The following WDR27 variants were observed in gnomAD, a reference collection of about 807,000 sequenced individuals.
WDR27 encodes the protein WD repeat-containing protein 27.
Under a neutral mutation model 114.4 loss-of-function variants are expected in WDR27, and 100 were observed. That is an observed-to-expected ratio of 0.87 (90% CI 0.74 to 1.03). The LOEUF (loss-of-function observed/expected upper bound fraction) is 1.03. Ranked by LOEUF, WDR27 falls within the 50% of genes least tolerant of loss-of-function variation. The pLI, the probability that WDR27 is intolerant of heterozygous loss-of-function variation, is 0.00. For synonymous variants in WDR27, 449 were observed against 423.1 expected, an observed-to-expected ratio of 1.06 and a Z score of -0.75; for missense variants, 1,129 against 1,092.9, an observed-to-expected ratio of 1.03 and a Z score of -0.47.
At chr6:169,438,841 T>C in the WDR27 span, among the ~76,000 whole-genome samples, 13 of 152,206 alleles carry the variant, frequency 8.5e-5, no homozygotes, top group Non-Finnish European at 1.6e-4. Context: ...TATTAGTTTT[T>C]TACTACTTAG....
At chr6:169,690,625 T>C (rs1037970409) in intron 1 of WDR27, among the ~76,000 whole-genome samples, 1 of 152,064 alleles carries the variant, frequency 6.6e-6, no homozygotes, top group African/African-American at 2.4e-5. Context: ...AGGACATGGA[T>C]CCATGGCCAG....
chr6:169,664,155 G>A lies in WDR27; in HGVS notation c.904+11C>T. 1 of 1,576,158 alleles carries A rather than the reference G, an allele frequency of 6.3e-7. No individual in the cohort carries two copies. Among genetic ancestry groups the A allele is most frequent in the Non-Finnish European group, 8.6e-7 (1 of 1,161,346 alleles). On this transcript the variant is annotated intron_variant, in intron 8 of 25. Transcript: ENST00000448612. ...AAGTGGGAGGCCTGAGGGAGGGTCT[G>A]AGCAACCCACCTGGCTGGCTGCACA... is the stretch of plus-strand genomic sequence containing the variant.
chr6:169,651,850 T>C, intron 14 of WDR27, 80 bp downstream of exon 14: 2 of 1,264,924 alleles, frequency 1.6e-6, no homozygotes, highest in South Asian at 2.6e-5. Context: ...CGGGGATGTA[T>C]GTGTGTCCCT....
At chr6:169,696,136 T>C (rs1173893440) in intron 1 of WDR27, among the ~76,000 whole-genome samples, 2 of 152,218 alleles carry the variant, frequency 1.3e-5, no homozygotes, top group Non-Finnish European at 2.9e-5. Context: ...AACAAACGAA[T>C]ACAAGTGCCT....
chr6:169,480,874 A>C (rs1041814607), intron 25 of WDR27, among the ~76,000 whole-genome samples: 6 of 146,464 alleles, frequency 4.1e-5, no homozygotes, highest in Admixed American at 6.7e-5. Context: ...AAAGTTTGTA[A>C]ACGCACCAAT....
At chr6:169,461,251 T>C (rs1213074954) in intron 25 of WDR27, among the ~76,000 whole-genome samples, 1 of 152,130 alleles carries the variant, frequency 6.6e-6, no homozygotes, top group African/African-American at 2.4e-5. Flanking sequence ...ATAGAGAATT[T>C]ACACAACATG....
the WDR27 span, among the ~76,000 whole-genome samples, chr6:169,439,952 T>G: frequency 6.7e-6 from 1 of 150,270 alleles, no homozygotes; most frequent in African/African-American, 2.5e-5. Context: ...TTATTTAATA[T>G]ATCACATTTA....
rs372457871 is a variant in WDR27, at chr6:169,659,400, G to A, written c.1197+51C>T. On this transcript the variant is annotated intron_variant, in intron 11 of 25. Transcript: ENST00000448612. The surrounding 1 kb of genome is among the most constrained non-coding windows in gnomAD (Gnocchi z 4.3). The stretch of plus-strand genomic sequence containing the variant: ...TTACAGGATCACTCTGAAGAAAGAA[G>A]AAATCAGAGGCACGTCTCATAGACA... 5.5e-5 allele frequency: 88 copies of A among 1,593,730 alleles called. 1 individual carries two copies. The highest frequency in any genetic ancestry group is 3.6e-4 in the East Asian group (16 of 44,098).
the WDR27 span, among the ~76,000 whole-genome samples, chr6:169,440,981 T>C: frequency 1.3e-5 from 2 of 152,194 alleles, no homozygotes; most frequent in Non-Finnish European, 2.9e-5. Flanking sequence ...TGCTGGGTTT[T>C]TTTTTCTTGT....
chr6:169,610,375 T>TG (rs1415531576), intron 22 of WDR27, among the ~76,000 whole-genome samples: 1 of 152,194 alleles, frequency 6.6e-6, no homozygotes, highest in Non-Finnish European at 1.5e-5. Context: ...TCCATAAGGC[T>TG]GGGGCAGCCT....
chr6:169,445,448 C>T, the WDR27 span, among the ~76,000 whole-genome samples: 2 of 152,190 alleles, frequency 1.3e-5, no homozygotes, highest in East Asian at 3.9e-4. Context: ...AAATGCCACC[C>T]TCTGCCCCTG....
At chr6:169,576,025 A>G (rs1802272485) in intron 24 of WDR27, among the ~76,000 whole-genome samples, 1 of 151,102 alleles carries the variant, frequency 6.6e-6, no homozygotes. Context: ...TCTGATAACC[A>G]TGACTGGAAA....
intron 2 of WDR27, among the ~76,000 whole-genome samples, chr6:169,673,526 G>A (rs368467670): frequency 6.6e-6 from 1 of 151,880 alleles, no homozygotes; most frequent in Non-Finnish European, 1.5e-5. Flanking sequence ...AAGAATTATG[G>A]TAACAAGATT....
At position 169,636,410 on chromosome 6, in the gene WDR27, A is replaced by C. The variant is rs202036897; in HGVS notation, c.1964T>G (p.Leu655Arg). ...LLSSGPEFQL[L>R]RYHIDTCKDE... Reference sequence around the variant, plus strand: ...TTTGCAAGTGTCAATGTGATACCTCAGTAGCTGAAATTCAGGGCCAGAAGA... The same window carrying C: ...TTTGCAAGTGTCAATGTGATACCTCCGTAGCTGAAATTCAGGGCCAGAAGA... The change falls in exon 19 of 26, where the codon CTG becomes CGG. Residue 655 changes from leucine (L) to arginine (R), a missense_variant. By Grantham distance (102) the Leu-to-Arg change is moderately radical. Transcript: ENST00000448612. 3.0e-4 allele frequency: 490 copies of C among 1,613,832 alleles called. No individual in the cohort carries two copies. The highest frequency in any genetic ancestry group is 1.2e-3 in the Middle Eastern group (7 of 6,084).
intron 25 of WDR27, among the ~76,000 whole-genome samples, chr6:169,549,480 T>G (rs1797837192): frequency 6.6e-6 from 1 of 152,196 alleles, no homozygotes; most frequent in African/African-American, 2.4e-5. Context: ...CCCACAGAAC[T>G]AAACATACAC....
intron 6 of WDR27, 102 bp from the exon 7 acceptor site, chr6:169,665,658 T>A: frequency 1.8e-6 from 2 of 1,092,912 alleles, no homozygotes; most frequent in Non-Finnish European, 2.6e-6. Context: ...AATATTTACT[T>A]ACAGTATTTC....
intron 21 of WDR27, among the ~76,000 whole-genome samples, chr6:169,614,457 G>A (rs7758391): frequency 0.014 from 2,072 of 152,112 alleles, 44 homozygotes; most frequent in African/African-American, 0.047. Flanking sequence ...AGGCCAAGGC[G>A]GGCAGATCAC....
At chr6:169,458,746 CACT>C (rs1784576208) in intron 25 of WDR27, among the ~76,000 whole-genome samples, 1 of 150,450 alleles carries the variant, frequency 6.6e-6, no homozygotes, top group Non-Finnish European at 1.5e-5. Context: ...AAGATCATGC[CACT>C]GCCCTCCAGC....
At chr6:169,528,357 C>T (rs543663245) in intron 25 of WDR27, among the ~76,000 whole-genome samples, 4 of 152,092 alleles carry the variant, frequency 2.6e-5, no homozygotes, top group Admixed American at 6.5e-5. Flanking sequence ...CCATTTTTTG[C>T]GGTCTAACAA....
Sources: gnomAD v4.1 joint callset for allele counts (sites outside exome capture counted in the v4.1 genomes callset) on GRCh38, gnomAD v4.1.1 for gene constraint, Gnocchi (gnomAD v3.1) non-coding constraint, MANE v1.5 for transcripts, NCBI Gene and HGNC (gene_info 2026-07-23, HGNC 2026-07-21) for gene names.